Variants in GNA13 observed in about 807,000 individuals in gnomAD.
GNA13 encodes the protein guanine nucleotide-binding protein subunit alpha-13.
A neutral mutation model predicts 33.5 loss-of-function variants in GNA13; 4 were observed. That is an observed-to-expected ratio of 0.12 (90% CI 0.06 to 0.27). The LOEUF is 0.27. GNA13 is among the 10% of genes least tolerant of loss of function. The pLI is 1.00. For missense variants in GNA13, 319 were observed against 487.2 expected (o/e 0.65, Z 3.25); for synonymous variants, 176 against 183.8 (o/e 0.96, Z 0.34).
At position 65,010,066 on chromosome 17, in the gene GNA13, A is replaced by G. The variant is rs1906130290; in HGVS notation, c.*4191T>C. Among the ~76,000 whole-genome samples, 1 of 152,218 alleles carries G rather than the reference A, an allele frequency of 6.6e-6. No individual in the cohort carries two copies. The highest frequency in any genetic ancestry group is 2.1e-4 in the South Asian group (1 of 4,836). On this transcript the variant is annotated 3_prime_UTR_variant, in exon 4 of 4. Transcript: ENST00000439174. ...ACAAAACTCTCCTTATCAAGACATA[A>G]AATATTGCCATATCATTCATGCTTT... is the stretch of plus-strand genomic sequence containing the variant.
rs761158250 is a variant in GNA13 at position 65,028,129 on chromosome 17, A to G, written c.511-9826T>C. ...TAGTCCCAGCTACTCGGGAGGCTGA[A>G]GCAGGAGAATGGCGTGAACCCGGGA... On this transcript the variant is annotated intron_variant, in intron 2 of 3. Coordinates refer to ENST00000439174, the MANE Select transcript of GNA13 (RefSeq NM_006572.6). Among the ~76,000 whole-genome samples the G allele has an allele frequency of 5.3e-5, 8 of 152,228 alleles. No homozygotes were observed. The East Asian group carries it at 5.8e-4, about 11-fold the overall frequency.
intron 2 of GNA13, among the ~76,000 whole-genome samples, chr17:65,039,697 G>A (rs1907386619): frequency 6.6e-6 from 1 of 151,938 alleles, no homozygotes; most frequent in Non-Finnish European, 1.5e-5. Context: ...CTCTTCCTTC[G>A]CAGCATTTAC....
At chr17:65,034,530 C>T (rs1334746879) in intron 2 of GNA13, among the ~76,000 whole-genome samples, 1 of 152,088 alleles carries the variant, frequency 6.6e-6, no homozygotes, top group African/African-American at 2.4e-5. Flanking sequence ...GATCTCCTGA[C>T]CTTGTGATCC....
intron 2 of GNA13, among the ~76,000 whole-genome samples, chr17:65,049,609 GC>G (rs1189388269): frequency 6.6e-6 from 1 of 152,148 alleles, no homozygotes; most frequent in East Asian, 1.9e-4. Flanking sequence ...GCTAGGGAAA[GC>G]AAAGGACACG....
chr17:65,011,502 GATTTTCAGAAAAC>G lies in GNA13; in HGVS notation c.*2742_*2754del, dbSNP rs1906188096. ...GCAGAGGCATGCTTTGAATTACTCA[GATTTTCAGAAAAC>G]ATTTGACAAAACCCTTTCTCTATAA... On this transcript the variant is annotated 3_prime_UTR_variant, in exon 4 of 4. Coordinates refer to ENST00000439174, the MANE Select transcript of GNA13 (RefSeq NM_006572.6). The G allele has an allele frequency of 1.0e-5, 2 of 200,220 alleles. No individual in the cohort carries two copies. Among genetic ancestry groups the G allele is most frequent in the South Asian group, 3.8e-4 (2 of 5,260 alleles). 12.4% of individuals were successfully genotyped at this position (200,220 alleles called of 1,614,324 possible). A position where few individuals can be genotyped will look rare whatever the true frequency, so the allele number is the denominator to read the frequency against.
intron 2 of GNA13, among the ~76,000 whole-genome samples, chr17:65,024,388 T>C (rs1196620118): frequency 6.6e-5 from 10 of 152,248 alleles, no homozygotes; most frequent in East Asian, 3.8e-4. Context: ...TGCTAAAACA[T>C]TGAATCCCAA....
Position 65,013,859 on chromosome 17 carries a change from T to A in GNA13, c.*398A>T. On this transcript the variant is annotated 3_prime_UTR_variant, in exon 4 of 4. Coordinates refer to ENST00000439174, the MANE Select transcript of GNA13 (RefSeq NM_006572.6). ...CTATATGTAAGGCGGACAGAAGATA[T>A]CTTGTTTTGGAACTGAATATTCCTA... 1 of 236,076 alleles carries A rather than the reference T, an allele frequency of 4.2e-6. No individual in the cohort carries two copies. Among genetic ancestry groups the A allele is most frequent in the Non-Finnish European group, 8.4e-6 (1 of 118,938 alleles). 14.6% of individuals were successfully genotyped at this position (236,076 alleles called of 1,614,324 possible). A position where few individuals can be genotyped will look rare whatever the true frequency, so the allele number is the denominator to read the frequency against.
At chr17:65,034,721 C>A (rs1907181244) in intron 2 of GNA13, among the ~76,000 whole-genome samples, 1 of 152,158 alleles carries the variant, frequency 6.6e-6, no homozygotes, top group African/African-American at 2.4e-5. Flanking sequence ...AAAAAAAGGA[C>A]CTTACTAAAA....
rs570477947 is a variant in GNA13, at chr17:65,011,453, C to T, written c.*2804G>A. 1 of 198,376 alleles carries T rather than the reference C, an allele frequency of 5.0e-6. No homozygotes were observed. The highest frequency in any genetic ancestry group is 6.0e-5 in the Admixed American group (1 of 16,558). The allele number at this position is 198,376 out of a possible 1,614,324, so 12.3% of individuals were successfully genotyped here. Reference sequence around the variant, plus strand: ...TAATATTTGGCAGACAGCAACAATGCAGGTTATTAAAAATATTAAAGGGGC... The same window carrying T: ...TAATATTTGGCAGACAGCAACAATGTAGGTTATTAAAAATATTAAAGGGGC... On this transcript the variant is annotated 3_prime_UTR_variant, in exon 4 of 4. Coordinates refer to ENST00000439174, the MANE Select transcript of GNA13 (RefSeq NM_006572.6).
rs1210618801 is a variant in GNA13, at chr17:65,037,777, GGAAAAAA to G, written c.510+15718_510+15724del. Among the ~76,000 whole-genome samples, 37 of 82,060 alleles carry G rather than the reference GGAAAAAA, an allele frequency of 4.5e-4. 3 individuals carry two copies. The highest frequency in any genetic ancestry group is 7.8e-4 in the East Asian group (2 of 2,558). The allele number at this position is 82,060 out of a possible 152,430, so 53.8% of individuals were successfully genotyped here. A position where few individuals can be genotyped will look rare whatever the true frequency, so the allele number is the denominator to read the frequency against. On this transcript the variant is annotated intron_variant, in intron 2 of 3. Transcript: ENST00000439174. ...AGAGAGACCCAGCCTCTACAAAAAT[GGAAAAAA>G]AAAAAAAAAAAAAAAAGACAAAAAG...
In GNA13 at chr17:65,009,603, G is replaced by A. The variant is rs372374534; in HGVS notation, c.*4654C>T. Among the ~76,000 whole-genome samples, 6 of 152,160 alleles carry A rather than the reference G, an allele frequency of 3.9e-5. No individual in the cohort carries two copies. Among genetic ancestry groups the A allele is most frequent in the Admixed American group, 3.3e-4 (5 of 15,278 alleles). On this transcript the variant is annotated 3_prime_UTR_variant, in exon 4 of 4. Transcript: ENST00000439174. ...CACAAATATTTTATAGAGCTAATAC[G>A]AGTCATGTTTTGTTAGGTACAGTAT...
At position 65,056,343 on chromosome 17, in the gene GNA13, A is replaced by C. The variant is rs1471769938; in HGVS notation, c.251T>G (p.Phe84Cys). The C allele has an allele frequency of 1.9e-6, 3 of 1,562,854 alleles. No individual in the cohort carries two copies. Among genetic ancestry groups the C allele is most frequent in the Non-Finnish European group, 2.6e-6 (3 of 1,150,180 alleles). ...QDFDQRAREEFRPTIYSNVIK... is the reference protein window; with the variant it reads ...QDFDQRAREECRPTIYSNVIK... ...CACGTTGCTGTAGATGGTGGGGCGG[A>C]ACTCCTCGCGCGCGCGCTGGTCGAA... The change falls in exon 1 of 4, where the codon TTC (phenylalanine) becomes TGC (cysteine). Residue 84 changes from phenylalanine (F) to cysteine (C), a missense_variant. Transcript: ENST00000439174.
chr17:65,044,280 C>A (rs991528988), intron 2 of GNA13, among the ~76,000 whole-genome samples: 15 of 152,172 alleles, frequency 9.9e-5, no homozygotes, highest in African/African-American at 3.1e-4. Context: ...AAACTATTTT[C>A]TTGATTCATA....
chr17:65,016,648 C>T (rs925134633), intron 3 of GNA13, among the ~76,000 whole-genome samples: 1 of 152,254 alleles, frequency 6.6e-6, no homozygotes, highest in Non-Finnish European at 1.5e-5. Context: ...AGGCGTGAGC[C>T]ACTGCACCCG....
chr17:65,043,893 G>A (rs1183267030), intron 2 of GNA13, among the ~76,000 whole-genome samples: 2 of 152,136 alleles, frequency 1.3e-5, no homozygotes, highest in African/African-American at 4.8e-5. Flanking sequence ...AGGCCAAGAT[G>A]GGAGAATCAT....
At chr17:65,031,416 T>C (rs531175102) in intron 2 of GNA13, among the ~76,000 whole-genome samples, 4 of 152,304 alleles carry the variant, frequency 2.6e-5, no homozygotes, top group Admixed American at 6.5e-5. Context: ...TGTTCTAAAA[T>C]AGCTAAGCCC....
At chr17:65,041,725 G>A (rs1260204342) in intron 2 of GNA13, among the ~76,000 whole-genome samples, 1 of 152,146 alleles carries the variant, frequency 6.6e-6, no homozygotes, top group African/African-American at 2.4e-5. Flanking sequence ...AGCACATTCA[G>A]TGGGAGTGGT....
chr17:65,056,185 C>T, intron 1 of GNA13, 126 bp downstream of exon 1: 2 of 752,864 alleles, frequency 2.7e-6, no homozygotes, highest in Non-Finnish European at 3.7e-6. Flanking sequence ...CCCTTCCCGC[C>T]AGCCCGCCCG....
chr17:65,044,925 C>T (rs1290124631), intron 2 of GNA13, among the ~76,000 whole-genome samples: 2 of 151,496 alleles, frequency 1.3e-5, no homozygotes, highest in Non-Finnish European at 2.9e-5. Flanking sequence ...TACCTGTAAT[C>T]CCAGGTACTC....
Sources: allele counts gnomAD v4.1 joint callset (sites outside exome capture counted in the v4.1 genomes callset), GRCh38; gene constraint gnomAD v4.1.1; transcripts MANE v1.5; gene names NCBI Gene and HGNC (gene_info 2026-07-23, HGNC 2026-07-21).